Variants in CSPP1 observed in about 807,000 individuals in gnomAD.
The protein encoded by CSPP1 is centrosome and spindle pole associated protein 1.
A neutral mutation model predicts 164.4 loss-of-function variants in CSPP1; 126 were observed. The ratio of observed to expected loss-of-function variants is 0.77; its 90% confidence interval spans 0.66 to 0.89. The LOEUF (loss-of-function observed/expected upper bound fraction) is 0.89, where lower values mean the gene tolerates loss of function less well. Among genes scored for constraint, CSPP1 ranks in the 40% least tolerant of loss-of-function variants. CSPP1 has a pLI of 0.00. For missense variants in CSPP1, 1,395 were observed against 1,449.8 expected, an observed-to-expected ratio of 0.96 and a Z score of 0.61; for synonymous variants, 472 against 476.7, an observed-to-expected ratio of 0.99 and a Z score of 0.13.
At chr8:67,086,886 T>TTA in intron 4 of CSPP1, 1 of 1,242,640 alleles carries the variant, frequency 8.0e-7, no homozygotes, top group Non-Finnish European at 1.1e-6. Context: ...AGTTTTTTCT[T>TTA]TCTTTTTTTT....
At chr8:67,121,669 T>C (rs1408020804) in intron 15 of CSPP1, among the ~76,000 whole-genome samples, 1 of 152,190 alleles carries the variant, frequency 6.6e-6, no homozygotes, top group Non-Finnish European at 1.5e-5. Context: ...ATGTTGGGCT[T>C]ATAGAAGGAA....
intron 28 of CSPP1, among the ~76,000 whole-genome samples, chr8:67,186,969 TCATC>T (rs1461806223): frequency 8.9e-5 from 12 of 135,164 alleles, no homozygotes; most frequent in Non-Finnish European, 1.4e-4. Context: ...AATCTATCTA[TCATC>T]TATCTATCTA....
chr8:67,133,300 G>A (rs1261030415), intron 16 of CSPP1, among the ~76,000 whole-genome samples: 2 of 152,146 alleles, frequency 1.3e-5, no homozygotes, highest in Non-Finnish European at 2.9e-5. Flanking sequence ...CTTATACTTA[G>A]TGATGATAAG....
At chr8:67,118,598 T>A (rs557700477) in intron 14 of CSPP1, 145 bp from the exon 15 acceptor site, 2 of 721,000 alleles carry the variant, frequency 2.8e-6, no homozygotes, top group Non-Finnish European at 4.6e-6. Flanking sequence ...TGTTGTTCTT[T>A]GCTAACTTCT....
intron 17 of CSPP1, among the ~76,000 whole-genome samples, chr8:67,139,792 A>G (rs1178112545): frequency 1.3e-5 from 2 of 152,166 alleles, no homozygotes; most frequent in East Asian, 3.9e-4. Context: ...GAATTGAACA[A>G]TGAGAACACA....
intron 3 of CSPP1, among the ~76,000 whole-genome samples, chr8:67,085,330 G>C (rs890873134): frequency 9.3e-5 from 14 of 149,890 alleles, no homozygotes; most frequent in African/African-American, 3.4e-4. Context: ...GAAGTTTTTA[G>C]GAATTTCATC....
intron 3 of CSPP1, among the ~76,000 whole-genome samples, chr8:67,082,830 T>C (rs1471076024): frequency 6.6e-6 from 1 of 152,232 alleles, no homozygotes; most frequent in Non-Finnish European, 1.5e-5. Context: ...TTATACTTGA[T>C]GAAGTGACAT....
chr8:67,173,327 A>T (rs1830843893), intron 25 of CSPP1, among the ~76,000 whole-genome samples: 1 of 152,132 alleles, frequency 6.6e-6, no homozygotes, highest in Non-Finnish European at 1.5e-5. Flanking sequence ...AAAGTTTAGT[A>T]AGGAAACGAG....
At chr8:67,170,938 C>T (rs1001848003) in intron 24 of CSPP1, among the ~76,000 whole-genome samples, 2 of 151,758 alleles carry the variant, frequency 1.3e-5, no homozygotes, top group Admixed American at 6.5e-5. Context: ...AGGCATGCGC[C>T]ACCCCACCCG....
intron 15 of CSPP1, among the ~76,000 whole-genome samples, chr8:67,125,925 C>T (rs1052258296): frequency 6.6e-6 from 1 of 152,146 alleles, no homozygotes; most frequent in African/African-American, 2.4e-5. Context: ...CTCTGCCTCC[C>T]AGGTTCAAGC....
At chr8:67,086,888 CTT>C (rs75348559) in intron 4 of CSPP1, 27,737 of 883,436 alleles carry the variant, frequency 0.031, no homozygotes, top group South Asian at 0.038. Flanking sequence ...TTTTTTCTTT[CTT>C]TTTTTTTTTT....
At chr8:67,124,528 T>C (rs1236515780) in intron 15 of CSPP1, among the ~76,000 whole-genome samples, 1 of 152,146 alleles carries the variant, frequency 6.6e-6, no homozygotes, top group Non-Finnish European at 1.5e-5. Flanking sequence ...TGAGATAGGG[T>C]CTTACTCTGT....
Position 67,137,496 on chromosome 8 carries a change from A to G in CSPP1, c.1868A>G (p.Glu623Gly). ...REERRKKEREEKEEYEAKLEA... is the reference protein window; with the variant it reads ...REERRKKEREGKEEYEAKLEA... ...GAAAGAAGGAAGAAAGAACGTGAAG[A>G]AAAAGAAGAATATGAAGCTAAATTA... Residue 623 changes from glutamate (E) to glycine (G), a missense_variant, in exon 17 of 31, where the codon GAA (glutamate) becomes GGA (glycine). Transcript: ENST00000678616. The G allele has an allele frequency of 6.4e-7, 1 of 1,558,802 alleles. No homozygotes were observed. Among genetic ancestry groups the G allele is most frequent in the Non-Finnish European group, 8.8e-7 (1 of 1,141,738 alleles).
chr8:67,120,217 C>T (rs1353081162), intron 15 of CSPP1, among the ~76,000 whole-genome samples: 1 of 152,056 alleles, frequency 6.6e-6, no homozygotes, highest in Admixed American at 6.5e-5. Context: ...TATCCTTTTC[C>T]CTTGGTGTGT....
intron 5 of CSPP1, among the ~76,000 whole-genome samples, chr8:67,093,187 C>T (rs950816877): frequency 6.6e-6 from 1 of 152,164 alleles, no homozygotes; most frequent in Non-Finnish European, 1.5e-5. Flanking sequence ...TGTGGCATGG[C>T]TCTTTGGAAA....
At chr8:67,188,413 C>T (rs1044841800) in intron 28 of CSPP1, among the ~76,000 whole-genome samples, 1 of 152,100 alleles carries the variant, frequency 6.6e-6, no homozygotes, top group Non-Finnish European at 1.5e-5. Flanking sequence ...AAAGAGGGCT[C>T]ACTAAAATAC....
chr8:67,156,918 C>G lies in CSPP1; in HGVS notation c.2242-1529C>G, dbSNP rs564878589. Among the ~76,000 whole-genome samples the G allele has an allele frequency of 7.6e-4, 116 of 152,260 alleles. 1 individual carries two copies. Among genetic ancestry groups the G allele is most frequent in the African/African-American group, 2.8e-3 (115 of 41,558 alleles). On this transcript the variant is annotated intron_variant, in intron 19 of 30. Transcript: ENST00000678616. Reference sequence around the variant, plus strand: ...AAACCATGACAGGAAGATAGCTTTCCCTGCTTTCCAGACCAGAAACCTGTT... The same window carrying G: ...AAACCATGACAGGAAGATAGCTTTCGCTGCTTTCCAGACCAGAAACCTGTT...
rs891569360 is a variant in CSPP1, at chr8:67,190,570, A to T, written c.3221-80A>T. On this transcript the variant is annotated intron_variant, in intron 28 of 30. Coordinates refer to ENST00000678616, the MANE Select transcript of CSPP1 (RefSeq NM_001382391.1). ...ATGGTATTGTAAGCAAAATCTTAGT[A>T]ATTAAAAGGCTCTTGGTTTAGCTCT... 1.2e-5 allele frequency: 12 copies of T among 1,008,626 alleles called. No homozygotes were observed. The African/African-American group carries it at 1.9e-4, about 16-fold the overall frequency. The allele number at this position is 1,008,626 out of a possible 1,614,324, so 62.5% of individuals were successfully genotyped here.
chr8:67,150,207 T>C (rs1825443012), intron 18 of CSPP1, among the ~76,000 whole-genome samples: 1 of 152,194 alleles, frequency 6.6e-6, no homozygotes, highest in South Asian at 2.1e-4. Context: ...TTTATTTTGC[T>C]AGTGGGGGAC....
Sources: allele counts gnomAD v4.1 joint callset (sites outside exome capture counted in the v4.1 genomes callset), GRCh38; gene constraint gnomAD v4.1.1; transcripts MANE v1.5; gene names NCBI Gene and HGNC (gene_info 2026-07-23, HGNC 2026-07-21).